RNF150: variants seen among roughly 807,000 people sequenced by gnomAD.
The protein encoded by RNF150 is ring finger protein 150.
RNF150 carries 24 observed loss-of-function variants against 39.3 expected under a neutral mutation model. The observed-to-expected ratio is 0.61, with a 90% confidence interval of 0.44 to 0.86. The LOEUF (loss-of-function observed/expected upper bound fraction) is 0.86. RNF150 is among the 40% of genes least tolerant of loss of function. RNF150 has a pLI of 0.00. For synonymous variants in RNF150, 255 were observed against 227.3 expected (o/e 1.12, Z -1.10); for missense variants, 502 against 587.8 (o/e 0.85, Z 1.51).
chr4:141,134,909 G>A (rs962907406), upstream of RNF150, among the ~76,000 whole-genome samples: 1 of 152,100 alleles, frequency 6.6e-6, no homozygotes. Context: ...CTTCTTTATC[G>A]CTTAGCATTT....
chr4:141,148,253 A>G (rs1328189653), intron 1 of RNF150, among the ~76,000 whole-genome samples: 1 of 152,186 alleles, frequency 6.6e-6, no homozygotes, highest in Non-Finnish European at 1.5e-5. Context: ...ATTGAGCATG[A>G]GCAAAGTTAG....
At chr4:141,185,179 C>T (rs1180353093) in intron 1 of RNF150, among the ~76,000 whole-genome samples, 5 of 151,994 alleles carry the variant, frequency 3.3e-5, no homozygotes, top group African/African-American at 7.2e-5. Context: ...TGTTTTTCCA[C>T]TTGTTTGTGT....
At chr4:140,887,972 T>C (rs1560949303) in intron 6 of RNF150, among the ~76,000 whole-genome samples, 1 of 152,208 alleles carries the variant, frequency 6.6e-6, no homozygotes, top group Non-Finnish European at 1.5e-5. Flanking sequence ...GCTGGCATCA[T>C]TTTACATCAA....
intron 6 of RNF150, among the ~76,000 whole-genome samples, chr4:140,871,002 C>A (rs28709783): frequency 0.14 from 19,852 of 144,044 alleles, 1,658 homozygotes; most frequent in African/African-American, 0.24. Context: ...CTCTCTCTCT[C>A]TATATATATA....
chr4:140,993,617 G>A (rs1302081977), intron 1 of RNF150, among the ~76,000 whole-genome samples: 2 of 152,154 alleles, frequency 1.3e-5, no homozygotes, highest in Non-Finnish European at 2.9e-5. Context: ...CTGTTTATAT[G>A]GCCTTGTTTA....
chr4:140,884,295 G>T (rs1729484435), intron 6 of RNF150, among the ~76,000 whole-genome samples: 1 of 151,940 alleles, frequency 6.6e-6, no homozygotes. Context: ...CCATTTTTTA[G>T]GGGTAATTTC....
intron 5 of RNF150, among the ~76,000 whole-genome samples, chr4:140,920,856 C>G (rs918331666): frequency 6.0e-5 from 9 of 150,598 alleles, no homozygotes; most frequent in Non-Finnish European, 1.0e-4. Context: ...ACTATGCAGC[C>G]GTAAAAAATG....
At chr4:141,196,811 C>T (rs1728208503) in intron 1 of RNF150, among the ~76,000 whole-genome samples, 1 of 152,226 alleles carries the variant, frequency 6.6e-6, no homozygotes, top group South Asian at 2.1e-4. Flanking sequence ...TCACCCTTCC[C>T]CTGCCTCAGC....
Position 140,962,775 on chromosome 4 carries a change from C to T in RNF150, c.735+4848G>A, listed in dbSNP as rs138115382. 2.8e-3 allele frequency among the ~76,000 whole-genome samples: 424 copies of T among 151,808 alleles called. 1 individual carries two copies. Among genetic ancestry groups the T allele is most frequent in the African/African-American group, 9.8e-3 (405 of 41,450 alleles). On this transcript the variant is annotated intron_variant, in intron 2 of 6. Transcript: ENST00000515673. Reference sequence around the variant, plus strand: ...TAATCCATTTAATCCTCACTGTGACCGTAAGAGAAAGGTACATTCCATTTA... The same window carrying T: ...TAATCCATTTAATCCTCACTGTGACTGTAAGAGAAAGGTACATTCCATTTA...
At chr4:141,117,264 A>T (rs1214663350) in intron 1 of RNF150, among the ~76,000 whole-genome samples, 1 of 152,254 alleles carries the variant, frequency 6.6e-6, no homozygotes, top group Non-Finnish European at 1.5e-5. Context: ...CTTGTGCAAC[A>T]CAAAGAATTG....
intron 1 of RNF150, among the ~76,000 whole-genome samples, chr4:140,987,877 A>G (rs1734064453): frequency 6.6e-6 from 1 of 152,192 alleles, no homozygotes; most frequent in African/African-American, 2.4e-5. Context: ...AAGGCCTAAT[A>G]TCCACAATCT....
At chr4:141,205,547 C>G (rs1728361369) in intron 1 of RNF150, among the ~76,000 whole-genome samples, 1 of 152,084 alleles carries the variant, frequency 6.6e-6, no homozygotes. Flanking sequence ...ATTTTTGTTC[C>G]ACATCAAAGC....
chr4:141,077,300 C>A (rs1057064152), intron 1 of RNF150, among the ~76,000 whole-genome samples: 1 of 152,090 alleles, frequency 6.6e-6, no homozygotes, highest in Non-Finnish European at 1.5e-5. Context: ...CACATCCATA[C>A]AGAAAAATAC....
rs1424078680 is a variant in RNF150, at chr4:140,994,826, C to CT, written c.485-26954dup. Among the ~76,000 whole-genome samples, 141 of 152,058 alleles carry CT rather than the reference C, an allele frequency of 9.3e-4. 1 individual carries two copies. The highest frequency in any genetic ancestry group is 9.2e-3 in the Admixed American group (140 of 15,270). On this transcript the variant is annotated intron_variant, in intron 1 of 6. Transcript: ENST00000515673. ...AGAAGTTTATGTTCAATCTATAAGT[C>CT]TTTTTTTAATTTTTAATTTTTATGG...
upstream of RNF150, among the ~76,000 whole-genome samples, chr4:141,134,917 T>A (rs1178275080): frequency 1.3e-5 from 2 of 152,050 alleles, no homozygotes; most frequent in East Asian, 1.9e-4. Context: ...TCGCTTAGCA[T>A]TTTTTTTCTC....
At chr4:140,915,054 A>C (rs1441384702) in intron 5 of RNF150, among the ~76,000 whole-genome samples, 2 of 152,226 alleles carry the variant, frequency 1.3e-5, no homozygotes, top group Non-Finnish European at 1.5e-5. Flanking sequence ...TATTCAAAGG[A>C]GAATCAGGAT....
intron 1 of RNF150, among the ~76,000 whole-genome samples, chr4:141,047,621 G>A (rs1433296701): frequency 6.6e-6 from 1 of 152,110 alleles, no homozygotes; most frequent in African/African-American, 2.4e-5. Context: ...ATTAAGTGTG[G>A]TTAAAATGGA....
At chr4:141,151,400 A>C (rs1727293714) in intron 1 of RNF150, among the ~76,000 whole-genome samples, 1 of 146,642 alleles carries the variant, frequency 6.8e-6, no homozygotes, top group South Asian at 2.2e-4. Flanking sequence ...GTGAAACCCC[A>C]TCTCTACAGA....
chr4:140,985,942 C>T (rs1408656448), intron 1 of RNF150, among the ~76,000 whole-genome samples: 1 of 151,992 alleles, frequency 6.6e-6, no homozygotes, highest in Non-Finnish European at 1.5e-5. Context: ...GGGGCACAAT[C>T]ACTGGTGTAT....
Sources: gnomAD v4.1 joint callset for allele counts (sites outside exome capture counted in the v4.1 genomes callset) on GRCh38, gnomAD v4.1.1 for gene constraint, MANE v1.5 for transcripts, NCBI Gene and HGNC (gene_info 2026-07-23, HGNC 2026-07-21) for gene names.